The following TBC1D5 variants were observed in gnomAD, a reference collection of about 807,000 sequenced individuals.
TBC1D5 encodes TBC1 domain family, member 5.
In TBC1D5, 75 loss-of-function variants were observed where a neutral mutation model predicts 100.3. The ratio of observed to expected loss-of-function variants is 0.75; its 90% CI spans 0.62 to 0.91. TBC1D5 has a LOEUF of 0.91. Among genes scored for constraint, TBC1D5 ranks in the 40% least tolerant of loss-of-function variants. TBC1D5 has a pLI of 0.00. For missense variants in TBC1D5, 910 were observed against 942.4 expected (o/e 0.97, Z 0.45); for synonymous variants, 323 against 325.6 (o/e 0.99, Z 0.09).
At chr3:17,266,349 C>T (rs2596650) in intron 15 of TBC1D5, among the ~76,000 whole-genome samples, 77,573 of 151,916 alleles carry the variant, frequency 0.51, 20,939 homozygotes, top group African/African-American at 0.68. Flanking sequence ...AGGGATATTG[C>T]CTGAATATTA....
intron 15 of TBC1D5, among the ~76,000 whole-genome samples, chr3:17,286,082 A>T (rs1467256041): frequency 6.6e-6 from 1 of 152,222 alleles, no homozygotes; most frequent in African/African-American, 2.4e-5. Context: ...TTACTGCATA[A>T]TCTAAAATGG....
At chr3:17,493,322 G>A (rs763345040) in intron 3 of TBC1D5, among the ~76,000 whole-genome samples, 5 of 151,714 alleles carry the variant, frequency 3.3e-5, no homozygotes, top group Non-Finnish European at 5.9e-5. Flanking sequence ...TTAGTCTGAT[G>A]GGTTTCCCTT....
intron 3 of TBC1D5, among the ~76,000 whole-genome samples, chr3:17,481,035 CAG>C (rs2095495875): frequency 1.3e-5 from 2 of 152,204 alleles, no homozygotes; most frequent in African/African-American, 4.8e-5. Flanking sequence ...ACCCTAGAGT[CAG>C]GGGCTCCCTG....
chr3:17,415,800 A>G (rs1470675811), intron 4 of TBC1D5, among the ~76,000 whole-genome samples: 1 of 152,080 alleles, frequency 6.6e-6, no homozygotes, highest in Non-Finnish European at 1.5e-5. Context: ...CTTCCTCTAT[A>G]ATTAATAAGG....
At chr3:17,600,401 A>G (rs981637060) in intron 2 of TBC1D5, among the ~76,000 whole-genome samples, 3 of 152,198 alleles carry the variant, frequency 2.0e-5, no homozygotes, top group Admixed American at 1.3e-4. Context: ...CTAGCTCAAT[A>G]AATCAGCAGT....
chr3:17,637,178 T>G (rs2064028923), intron 1 of TBC1D5, among the ~76,000 whole-genome samples: 1 of 144,326 alleles, frequency 6.9e-6, no homozygotes, highest in African/African-American at 2.6e-5. Flanking sequence ...TGTGCCACCA[T>G]GCCCGACTAA....
intron 1 of TBC1D5, among the ~76,000 whole-genome samples, chr3:17,633,898 T>A (rs1273360257): frequency 6.6e-6 from 1 of 152,210 alleles, no homozygotes; most frequent in Admixed American, 6.5e-5. Context: ...TTTCACACAA[T>A]TCAGGAGTCA....
intron 2 of TBC1D5, among the ~76,000 whole-genome samples, chr3:17,578,858 A>G (rs183121493): frequency 5.0e-4 from 76 of 152,204 alleles, no homozygotes; most frequent in Non-Finnish European, 9.1e-4. Flanking sequence ...CTAAGTCTTT[A>G]GAAGACAGAA....
chr3:17,647,095 C>T (rs1044851113), intron 1 of TBC1D5: 11 of 152,140 alleles, frequency 7.2e-5, no homozygotes, highest in Non-Finnish European at 1.6e-4. Context: ...ACTGCTCCCA[C>T]GTCAAATAAA....
chr3:17,351,373 T>C (rs2090558647), intron 13 of TBC1D5, among the ~76,000 whole-genome samples: 1 of 152,096 alleles, frequency 6.6e-6, no homozygotes, highest in Non-Finnish European at 1.5e-5. Flanking sequence ...ATGTGGCACA[T>C]ATACACCACG....
intron 14 of TBC1D5, among the ~76,000 whole-genome samples, chr3:17,296,751 T>A (rs1169160334): frequency 2.0e-5 from 3 of 152,212 alleles, no homozygotes; most frequent in African/African-American, 7.2e-5. Flanking sequence ...ACAACAACCA[T>A]CCTTGAAACC....
At chr3:17,363,317 C>A in intron 13 of TBC1D5, among the ~76,000 whole-genome samples, 1 of 151,922 alleles carries the variant, frequency 6.6e-6, no homozygotes, top group Non-Finnish European at 1.5e-5. Context: ...GTCAAATAAT[C>A]CAATTGGTCA....
chr3:17,525,252 C>T (rs925735292), intron 2 of TBC1D5, among the ~76,000 whole-genome samples: 4 of 152,158 alleles, frequency 2.6e-5, no homozygotes, highest in African/African-American at 4.8e-5. Context: ...GCCTCAGCCT[C>T]CCAAGTAGCT....
intron 2 of TBC1D5, among the ~76,000 whole-genome samples, chr3:17,615,569 T>C (rs138247685): frequency 3.0e-3 from 463 of 152,302 alleles, no homozygotes; most frequent in African/African-American, 0.011. Flanking sequence ...TCAGAGCCTG[T>C]TATTGTTCTA....
intron 3 of TBC1D5, among the ~76,000 whole-genome samples, chr3:17,457,113 ATTCT>A (rs1327069862): frequency 6.6e-6 from 1 of 152,064 alleles, no homozygotes; most frequent in Non-Finnish European, 1.5e-5. Flanking sequence ...TCTTTAAGAC[ATTCT>A]TTGTCTTTTG....
At position 17,463,158 on chromosome 3, in the gene TBC1D5, T is replaced by C. The variant is rs897509321; in HGVS notation, c.98-34639A>G. ...CTGCTTCTAAGTTCCATTTGCATTT[T>C]AGTTTGTAGAGATTCTTCCTGGTGT... On this transcript the variant is annotated intron_variant, in intron 3 of 21. Transcript: ENST00000253692. Among the ~76,000 whole-genome samples, 4 of 152,240 alleles carry C rather than the reference T, an allele frequency of 2.6e-5. 1 individual carries two copies. Among genetic ancestry groups the C allele is most frequent in the Admixed American group, 2.6e-4 (4 of 15,282 alleles).
chr3:17,645,884 T>A (rs1359937898), intron 1 of TBC1D5, among the ~76,000 whole-genome samples: 1 of 152,078 alleles, frequency 6.6e-6, no homozygotes, highest in Non-Finnish European at 1.5e-5. Flanking sequence ...TGACAACTCA[T>A]GTCTCTCTTT....
At chr3:17,526,157 AT>A (rs1479269481) in intron 2 of TBC1D5, among the ~76,000 whole-genome samples, 1 of 152,176 alleles carries the variant, frequency 6.6e-6, no homozygotes, top group Non-Finnish European at 1.5e-5. Flanking sequence ...GCAACCATTA[AT>A]TCTTTCCATC....
intron 1 of TBC1D5, among the ~76,000 whole-genome samples, chr3:17,634,831 C>A (rs2063775992): frequency 1.3e-5 from 2 of 152,020 alleles, no homozygotes; most frequent in African/African-American, 4.8e-5. Flanking sequence ...CAAAATATCC[C>A]ATGTACCCTA....
Sources: gnomAD v4.1 joint callset for allele counts (sites outside exome capture counted in the v4.1 genomes callset) on GRCh38, gnomAD v4.1.1 for gene constraint, MANE v1.5 for transcripts, NCBI Gene and HGNC (gene_info 2026-07-23, HGNC 2026-07-21) for gene names.